TRAK1: variants seen among roughly 807,000 people sequenced by gnomAD.
TRAK1 encodes trafficking kinesin protein 1, also known as trafficking kinesin-binding protein 1.
Under a neutral mutation model 92.1 loss-of-function variants are expected in TRAK1, and 33 were observed. The observed-to-expected ratio is 0.36, with a 90% confidence interval of 0.27 to 0.48. TRAK1 has a LOEUF of 0.48. TRAK1 is among the 20% of genes least tolerant of loss of function. The pLI, the probability that TRAK1 is intolerant of heterozygous loss-of-function variation, is 0.99. For synonymous variants in TRAK1, 521 were observed against 517.3 expected (o/e 1.01, Z -0.10); for missense variants, 1,123 against 1,257.9 (o/e 0.89, Z 1.62).
intron 1 of TRAK1, among the ~76,000 whole-genome samples, chr3:42,073,324 C>A (rs1011288354): frequency 6.6e-6 from 1 of 152,196 alleles, no homozygotes; most frequent in African/African-American, 2.4e-5. Context: ...CTAAATCTTT[C>A]TTATTCTGTG....
intron 15 of TRAK1, among the ~76,000 whole-genome samples, chr3:42,219,881 C>T (rs1256918304): frequency 6.7e-6 from 1 of 148,418 alleles, no homozygotes; most frequent in African/African-American, 2.5e-5. Context: ...CTGCAACCTC[C>T]ACCTCCTGGG....
chr3:42,066,677 G>T (rs1230534945), intron 1 of TRAK1, among the ~76,000 whole-genome samples: 1 of 152,096 alleles, frequency 6.6e-6, no homozygotes, highest in Non-Finnish European at 1.5e-5. Flanking sequence ...TTCCTATCTT[G>T]CTATTACTTT....
chr3:42,196,965 CTCTCTCTCTCTT>C (rs1263695773), intron 10 of TRAK1, among the ~76,000 whole-genome samples: 1 of 137,512 alleles, frequency 7.3e-6, no homozygotes, highest in African/African-American at 2.7e-5. Flanking sequence ...TCCTCTCTCT[CTCTCTCTCTCTT>C]TCTCTTTCTC....
At chr3:42,194,666 A>G (rs751786255) in intron 9 of TRAK1, 138 bp from the exon 10 acceptor site, 113 of 951,912 alleles carry the variant, frequency 1.2e-4, no homozygotes, top group Non-Finnish European at 1.5e-4. Context: ...TTATTTGGCC[A>G]CAGGCGCACA....
intron 2 of TRAK1, chr3:42,160,558 G>GTTTTTTTTTTTTTTTTTT (rs11370773): frequency 9.5e-7 from 1 of 1,054,780 alleles, no homozygotes; most frequent in Non-Finnish European, 1.3e-6. Flanking sequence ...TCATAGCACT[G>GTTTTTTTTTTTTTTTTTT]TTTTGTTTTT....
chr3:42,018,103 A>AAAAAAAAAG (rs1468872198), intron 1 of TRAK1, among the ~76,000 whole-genome samples: 23 of 151,164 alleles, frequency 1.5e-4, no homozygotes, highest in African/African-American at 5.3e-4. Flanking sequence ...AAAAAAAAAA[A>AAAAAAAAAG]AAGACAAAAG....
chr3:42,188,235 C>T (rs1301862632), intron 5 of TRAK1, 90 bp downstream of exon 5: 2 of 1,212,582 alleles, frequency 1.6e-6, no homozygotes, highest in Non-Finnish European at 2.4e-6. Context: ...GGGTCACCTT[C>T]AGCAGCAATG....
Position 42,224,837 on chromosome 3 carries a change from G to A in TRAK1, c.*1100G>A, listed in dbSNP as rs900520156. On this transcript the variant is annotated 3_prime_UTR_variant, in exon 16 of 16. Transcript: ENST00000327628. ...GCGCTTTTTCTGAAACCCGAGGCTG[G>A]CCAGGGTGCTGTCACCATGCGGTCT... 4 of 152,244 alleles carry A rather than the reference G, an allele frequency of 2.6e-5. No individual in the cohort carries two copies. The highest frequency in any genetic ancestry group is 9.6e-5 in the African/African-American group (4 of 41,458). The allele number at this position is 152,244 out of a possible 1,614,324, so 9.4% of individuals were successfully genotyped here. A position where few individuals can be genotyped will look rare whatever the true frequency, so the allele number is the denominator to read the frequency against.
chr3:42,223,374 G>A lies in TRAK1; in HGVS notation c.2499G>A (p.Gln833=), dbSNP rs146801161. 47 of 1,614,238 alleles carry A rather than the reference G, an allele frequency of 2.9e-5. No individual in the cohort carries two copies. In the African/African-American group the frequency reaches 5.3e-4, roughly 18 times the overall value. The change falls in exon 16 of 16, where the codon CAG becomes CAA. Residue 833 remains glutamine (Q), a synonymous_variant. Transcript: ENST00000327628. This position sits in a 1 kb window ranked among gnomAD's most constrained non-coding sequence, Gnocchi z 6.1. The part of the protein sequence containing the change: ...REKNVRSSES[Q]TDVSVSNLNL... ...AGAACGTCCGCAGCAGCGAGAGCCA[G>A]ACCGACGTGTCCGTCTCCAACCTCA...
At chr3:42,126,992 A>C (rs554469714) in intron 2 of TRAK1, among the ~76,000 whole-genome samples, 2 of 152,298 alleles carry the variant, frequency 1.3e-5, no homozygotes, top group South Asian at 4.1e-4. Context: ...AGCATGTTAG[A>C]ATTGTACTCA....
intron 2 of TRAK1, chr3:42,151,540 G>T: frequency 3.4e-6 from 1 of 295,722 alleles, no homozygotes; most frequent in Non-Finnish European, 6.6e-6. Flanking sequence ...AAGGGAAGAA[G>T]GTTTTTGAGA....
intron 1 of TRAK1, chr3:42,051,515 G>A (rs1298934843): frequency 6.6e-6 from 1 of 152,250 alleles, no homozygotes; most frequent in African/African-American, 2.4e-5. Flanking sequence ...AGGTGGGGAT[G>A]GTATTAACCC....
At chr3:42,129,396 T>C (rs183701066) in intron 2 of TRAK1, among the ~76,000 whole-genome samples, 1 of 152,260 alleles carries the variant, frequency 6.6e-6, no homozygotes, top group African/African-American at 2.4e-5. Context: ...GCTATGCAGA[T>C]CAGAGCAGAC....
intron 2 of TRAK1, among the ~76,000 whole-genome samples, chr3:42,128,548 C>G (rs544623686): frequency 1.5e-4 from 23 of 152,278 alleles, no homozygotes; most frequent in Admixed American, 5.2e-4. Flanking sequence ...CCTAAAGGGT[C>G]TGTAGAGAGA....
chr3:42,105,942 T>G (rs1453978513), intron 1 of TRAK1, among the ~76,000 whole-genome samples: 1 of 152,142 alleles, frequency 6.6e-6, no homozygotes, highest in Admixed American at 6.5e-5. Context: ...GAAGGAGAAA[T>G]AAAATCCTCT....
At chr3:42,098,270 G>A (rs192798763) in intron 1 of TRAK1, among the ~76,000 whole-genome samples, 5 of 151,820 alleles carry the variant, frequency 3.3e-5, no homozygotes, top group African/African-American at 9.7e-5. Flanking sequence ...GGTTGGTGAC[G>A]CCTTTAGAAG....
At chr3:42,126,602 T>C (rs531127195) in intron 2 of TRAK1, among the ~76,000 whole-genome samples, 7 of 152,358 alleles carry the variant, frequency 4.6e-5, no homozygotes, top group African/African-American at 9.6e-5. Context: ...TAAAAACTTA[T>C]GGCAGCCAAC....
At chr3:42,188,931 A>T in intron 5 of TRAK1, 85 bp from the exon 6 acceptor site, 1 of 959,242 alleles carries the variant, frequency 1.0e-6, no homozygotes, top group Non-Finnish European at 1.7e-6. Context: ...CCTTCCTGCA[A>T]GCCCTTCTTT....
chr3:42,186,022 A>C (rs1576870450), intron 4 of TRAK1, among the ~76,000 whole-genome samples: 3 of 120,212 alleles, frequency 2.5e-5, no homozygotes, highest in Admixed American at 2.3e-4. Flanking sequence ...TCACTCTGTC[A>C]CTCAGGCTAG....
Sources: allele counts gnomAD v4.1 joint callset (sites outside exome capture counted in the v4.1 genomes callset), GRCh38; gene constraint gnomAD v4.1.1; non-coding constraint Gnocchi (gnomAD v3.1); transcripts MANE v1.5; gene names NCBI Gene and HGNC (gene_info 2026-07-23, HGNC 2026-07-21).